The following KCNK3 variants were observed in gnomAD, a reference collection of about 807,000 sequenced individuals.
The protein encoded by KCNK3 is potassium two pore domain channel subfamily K member 3.
KCNK3 carries 9 observed loss-of-function variants against 27.3 expected under a neutral mutation model. The observed-to-expected ratio is 0.33, with a 90% CI of 0.20 to 0.57. The LOEUF is 0.57. Ranked by LOEUF, KCNK3 falls within the 20% of genes least tolerant of loss-of-function variation. The pLI is 0.87. For synonymous variants in KCNK3, 278 were observed against 273.8 expected, an observed-to-expected ratio of 1.02 and a Z score of -0.15; for missense variants, 391 against 577.7, an observed-to-expected ratio of 0.68 and a Z score of 3.31.
rs1179522178 is a variant in KCNK3, at chr2:26,731,267, C to T, written c.*2699C>T. The T allele has an allele frequency of 1.3e-5, 2 of 152,398 alleles. No homozygotes were observed. Among genetic ancestry groups the T allele is most frequent in the African/African-American group, 4.8e-5 (2 of 41,452 alleles). The allele number at this position is 152,398 out of a possible 1,614,324, so 9.4% of individuals were successfully genotyped here. A position where few individuals can be genotyped will look rare whatever the true frequency, so the allele number is the denominator to read the frequency against. On this transcript the variant is annotated 3_prime_UTR_variant, in exon 2 of 2. Coordinates refer to ENST00000302909, the MANE Select transcript of KCNK3 (RefSeq NM_002246.3). ...CCAGGGAGGGGCCATCTCCCACCCC[C>T]TCCCCTGCCGGGGTCTACAAACATA... is the stretch of plus-strand genomic sequence containing the variant.
intron 1 of KCNK3, among the ~76,000 whole-genome samples, chr2:26,699,251 A>ACC (rs1558594849): frequency 0.015 from 1,951 of 134,228 alleles, 52 homozygotes; most frequent in African/African-American, 0.06. Context: ...GAAAGAAAGA[A>ACC]AGCCAGCCAA....
At chr2:26,702,152 T>C (rs1353612678) in intron 1 of KCNK3, among the ~76,000 whole-genome samples, 3 of 151,802 alleles carry the variant, frequency 2.0e-5, no homozygotes, top group African/African-American at 7.3e-5. Flanking sequence ...GTGGATCCAG[T>C]GGCTGTGAGA....
chr2:26,695,783 A>T (rs928521867), intron 1 of KCNK3, among the ~76,000 whole-genome samples: 1 of 152,218 alleles, frequency 6.6e-6, no homozygotes, highest in Non-Finnish European at 1.5e-5. Context: ...GCTAAAAGCC[A>T]TGGGGGGAGA....
chr2:26,728,282 A>G lies in KCNK3; in HGVS notation c.899A>G (p.Tyr300Cys), dbSNP rs1270174897. 6.3e-7 allele frequency: 1 copy of G among 1,595,528 alleles called. No individual in the cohort carries two copies. Among genetic ancestry groups the G allele is most frequent in the Admixed American group, 1.7e-5 (1 of 58,192 alleles). ...GGCGGCGGCGGCTTCCGCAACGTCT[A>G]CGCGGAGGTGCTGCACTTCCAGTCC... ...AAGGGGFRNV[Y>C]AEVLHFQSMC... is the part of the protein sequence containing the mutation. The change falls in exon 2 of 2, where the codon TAC (tyrosine) becomes TGC (cysteine). Residue 300 changes from tyrosine to cysteine, a missense_variant. Physicochemically the swap from Tyr to Cys is radical, Grantham distance 194. This residue lies in a region of KCNK3 where 192 missense variants were observed against 196.0 expected (regional missense o/e 0.98). Transcript: ENST00000302909.
intron 1 of KCNK3, among the ~76,000 whole-genome samples, chr2:26,707,496 A>G (rs1380711133): frequency 6.6e-6 from 1 of 152,176 alleles, no homozygotes; most frequent in Non-Finnish European, 1.5e-5. Flanking sequence ...CCAGCCTTCA[A>G]CATTTCACCT....
rs920471288 is a variant in KCNK3, at chr2:26,721,404, C to T, written c.284-6263C>T. On this transcript the variant is annotated intron_variant, in intron 1 of 1. Transcript: ENST00000302909. This position sits in a 1 kb window ranked among gnomAD's most constrained non-coding sequence, Gnocchi z 4.3. The stretch of plus-strand genomic sequence containing the variant: ...CCAAGCTGCAGCCCCTCCCTCCTCT[C>T]CTCCCCCAAGACCTGGGCACAGAAG... Among the ~76,000 whole-genome samples, 1 of 152,194 alleles carries T rather than the reference C, an allele frequency of 6.6e-6. No homozygotes were observed. Among genetic ancestry groups the T allele is most frequent in the African/African-American group, 2.4e-5 (1 of 41,448 alleles).
rs553156812 is a variant in KCNK3 at position 26,701,128 on chromosome 2, A to G, written c.283+7970A>G. Among the ~76,000 whole-genome samples the G allele has an allele frequency of 2.2e-4, 33 of 152,342 alleles. No homozygotes were observed. In the South Asian group the frequency reaches 6.4e-3, roughly 30 times the overall value. On this transcript the variant is annotated intron_variant, in intron 1 of 1. Transcript: ENST00000302909. ...TCCACATTTTGAGTAGCAAGGCTCT[A>G]AAGAACCTGGAGACCTGACATCTGG...
chr2:26,692,824 C>CGGGA lies in KCNK3; in HGVS notation c.-52_-51insGGGA. On this transcript the variant is annotated 5_prime_UTR_variant, in exon 1 of 2. Transcript: ENST00000302909. The surrounding 1 kb of genome is among the most constrained non-coding windows in gnomAD (Gnocchi z 5.6). ...GGGGCAGCAGCAGCGGCGGCCGGGG[C>CGGGA]CGAGGCGCGGGCCGGGGGCGCCGGG... 9.8e-7 allele frequency: 1 copy of CGGGA among 1,024,892 alleles called. No individual in the cohort carries two copies. Among genetic ancestry groups the CGGGA allele is most frequent in the Non-Finnish European group, 1.2e-6 (1 of 848,592 alleles). 63.5% of individuals were successfully genotyped at this position (1,024,892 alleles called of 1,614,324 possible). A position where few individuals can be genotyped will look rare whatever the true frequency, so the allele number is the denominator to read the frequency against.
Position 26,693,345 on chromosome 2 carries a change from T to G in KCNK3, c.283+187T>G, listed in dbSNP as rs1242288906. Among the ~76,000 whole-genome samples the G allele has an allele frequency of 6.6e-6, 1 of 152,008 alleles. No individual in the cohort carries two copies. Among genetic ancestry groups the G allele is most frequent in the African/African-American group, 2.4e-5 (1 of 41,358 alleles). ...CGCGGGGACGGAACTCGGGGAGGCG[T>G]CGATTCCTGGCTCCGGACCTGACTC... On this transcript the variant is annotated intron_variant, in intron 1 of 1. Coordinates refer to ENST00000302909, the MANE Select transcript of KCNK3 (RefSeq NM_002246.3). The surrounding 1 kb of genome is among the most constrained non-coding windows in gnomAD (Gnocchi z 5.5).
intron 1 of KCNK3, among the ~76,000 whole-genome samples, chr2:26,697,977 A>G (rs1268206123): frequency 1.3e-5 from 2 of 152,192 alleles, no homozygotes; most frequent in Non-Finnish European, 2.9e-5. Flanking sequence ...AGAAGGAGAC[A>G]TTAGCAATCT....
intron 1 of KCNK3, among the ~76,000 whole-genome samples, chr2:26,713,551 G>A (rs1394322964): frequency 3.9e-5 from 6 of 152,118 alleles, no homozygotes; most frequent in African/African-American, 7.2e-5. Flanking sequence ...AAGCCGAGGC[G>A]GGCGGATCCC....
At chr2:26,723,956 C>T (rs1036096018) in intron 1 of KCNK3, among the ~76,000 whole-genome samples, 3 of 152,218 alleles carry the variant, frequency 2.0e-5, no homozygotes, top group Non-Finnish European at 4.4e-5. Flanking sequence ...CCCAGAGACT[C>T]GAAGGCCTGG....
chr2:26,693,294 C>G lies in KCNK3; in HGVS notation c.283+136C>G. ...CGCCGAACCCTGCGCTCGCAGAAACCCGAGTTCAGCCTGGCGTGTGTGCTC... is the reference window on the plus strand; with the variant it reads ...CGCCGAACCCTGCGCTCGCAGAAACGCGAGTTCAGCCTGGCGTGTGTGCTC... On this transcript the variant is annotated intron_variant, in intron 1 of 1. Coordinates refer to ENST00000302909, the MANE Select transcript of KCNK3 (RefSeq NM_002246.3). This position sits in a 1 kb window ranked among gnomAD's most constrained non-coding sequence, Gnocchi z 5.5. 1.2e-6 allele frequency: 1 copy of G among 855,458 alleles called. No individual in the cohort carries two copies. Among genetic ancestry groups the G allele is most frequent in the Non-Finnish European group, 1.7e-6 (1 of 599,052 alleles). The allele number at this position is 855,458 out of a possible 1,614,324, so 53.0% of individuals were successfully genotyped here. A position where few individuals can be genotyped will look rare whatever the true frequency, so the allele number is the denominator to read the frequency against.
At chr2:26,704,429 G>C (rs879498955) in intron 1 of KCNK3, among the ~76,000 whole-genome samples, 1 of 152,120 alleles carries the variant, frequency 6.6e-6, no homozygotes, top group Non-Finnish European at 1.5e-5. Flanking sequence ...TTTCTGCTCC[G>C]GGCTCCGAGG....
At chr2:26,708,540 G>A (rs531182943) in intron 1 of KCNK3, among the ~76,000 whole-genome samples, 13 of 152,286 alleles carry the variant, frequency 8.5e-5, no homozygotes, top group East Asian at 1.9e-4. Context: ...TTAGCCAGGC[G>A]TTGTGGCATG....
intron 1 of KCNK3, among the ~76,000 whole-genome samples, chr2:26,710,082 C>T (rs886616075): frequency 6.6e-6 from 1 of 152,358 alleles, no homozygotes; most frequent in South Asian, 2.1e-4. Context: ...CTCAGCTGGG[C>T]CCCACGTCCC....
At position 26,707,467 on chromosome 2, in the gene KCNK3, G is replaced by A. The variant is rs527450531; in HGVS notation, c.283+14309G>A. On this transcript the variant is annotated intron_variant, in intron 1 of 1. Coordinates refer to ENST00000302909, the MANE Select transcript of KCNK3 (RefSeq NM_002246.3). The stretch of plus-strand genomic sequence containing the variant: ...CTCCAAGGCTGCCAGGGTACCGGGA[G>A]CTGTGTTCTGCTCATGCACCAGCCT... Among the ~76,000 whole-genome samples the A allele has an allele frequency of 3.9e-5, 6 of 152,376 alleles. No homozygotes were observed. The South Asian group carries it at 1.2e-3, about 32-fold the overall frequency.
chr2:26,697,808 G>A (rs1670254116), intron 1 of KCNK3, among the ~76,000 whole-genome samples: 1 of 152,108 alleles, frequency 6.6e-6, no homozygotes, highest in African/African-American at 2.4e-5. Flanking sequence ...GTGCTCAGCT[G>A]AGCACCACCT....
intron 1 of KCNK3, among the ~76,000 whole-genome samples, chr2:26,726,082 T>TACAC (rs147849352): frequency 2.4e-4 from 33 of 139,942 alleles, no homozygotes; most frequent in African/African-American, 8.8e-4. Context: ...AAATCATGCA[T>TACAC]ACACACACAC....
Sources: allele counts gnomAD v4.1 joint callset (sites outside exome capture counted in the v4.1 genomes callset), GRCh38; gene constraint gnomAD v4.1.1; regional missense constraint gnomAD v4.1.1; non-coding constraint Gnocchi (gnomAD v3.1); transcripts MANE v1.5; gene names NCBI Gene and HGNC (gene_info 2026-07-23, HGNC 2026-07-21).